RPL32: variants seen among roughly 807,000 people sequenced by gnomAD.
RPL32 encodes ribosomal protein L32.
For synonymous variants in RPL32, 61 were observed against 62.6 expected, an observed-to-expected ratio of 0.98 and a Z score of 0.12; for missense variants, 117 against 173.7, an observed-to-expected ratio of 0.67 and a Z score of 1.83.
At chr3:12,837,715 T>C (rs2062110216) in intron 3 of RPL32, among the ~76,000 whole-genome samples, 1 of 152,262 alleles carries the variant, frequency 6.6e-6, no homozygotes, top group African/African-American at 2.4e-5. Flanking sequence ...GTGAAAGTTA[T>C]CTTTGTAAAC....
Position 12,835,972 on chromosome 3 carries a change from A to T in RPL32, c.*122T>A, listed in dbSNP as rs1443427718. On this transcript the variant is annotated 3_prime_UTR_variant, in exon 4 of 4. Coordinates refer to ENST00000429711, the MANE Select transcript of RPL32 (RefSeq NM_000994.4). ...TGGGAGATTCCAAAGGGGCTTAAGC[A>T]AAAGAACAATCTCTGTGGCAAACTA... 4.8e-6 allele frequency: 6 copies of T among 1,248,728 alleles called. No homozygotes were observed. In the African/African-American group the frequency reaches 7.4e-5, roughly 15 times the overall value. The allele number at this position is 1,248,728 out of a possible 1,614,324, so 77.4% of individuals were successfully genotyped here. A position where few individuals can be genotyped will look rare whatever the true frequency, so the allele number is the denominator to read the frequency against.
chr3:12,839,304 T>A, intron 3 of RPL32, 45 bp downstream of exon 3: 1 of 1,584,376 alleles, frequency 6.3e-7, no homozygotes, highest in Non-Finnish European at 8.7e-7. Context: ...CTCACACAGA[T>A]GCAAACTTCT....
intron 3 of RPL32, 109 bp from the exon 4 acceptor site, chr3:12,836,332 T>G (rs899577351): frequency 2.3e-5 from 30 of 1,310,942 alleles, no homozygotes; most frequent in Non-Finnish European, 3.0e-5. Flanking sequence ...GGCTGCTTGG[T>G]AAGTGGCTGT....
At position 12,835,802 on chromosome 3, in the gene RPL32, A is replaced by G. The variant is rs115705058; in HGVS notation, c.*292T>C. The G allele has an allele frequency of 5.7e-3, 1,690 of 297,574 alleles. 25 individuals are homozygous for G. Among genetic ancestry groups the G allele is most frequent in the African/African-American group, 0.034 (1,580 of 46,192 alleles). 18.4% of individuals were successfully genotyped at this position (297,574 alleles called of 1,614,324 possible). ...GGCTTGGGAGCCACAAGCTTCTTCA[A>G]GTGTCTCAGAACCTACCTGGTGTGA... On this transcript the variant is annotated 3_prime_UTR_variant, in exon 4 of 4. Transcript: ENST00000429711.
intron 3 of RPL32, among the ~76,000 whole-genome samples, chr3:12,838,688 C>T (rs148947483): frequency 1.6e-3 from 236 of 152,150 alleles, no homozygotes; most frequent in African/African-American, 5.4e-3. Context: ...TGCACTCCCT[C>T]CTTGAATAGG....
Position 12,840,177 on chromosome 3 carries a change from T to C in RPL32, c.61A>G (p.Ile21Val). 6.2e-7 allele frequency: 1 copy of C among 1,614,102 alleles called. No homozygotes were observed. Among genetic ancestry groups the C allele is most frequent in the Non-Finnish European group, 8.5e-7 (1 of 1,179,928 alleles). ...ACATATCGGTCTGACTGGTGCCGGA[T>C]GAACTTCTTGGTTCTCTTTTTGACG... ...KIVKKRTKKF[I>V]RHQSDRYVKI... Residue 21 changes from isoleucine (I) to valine (V), a missense_variant, in exon 2 of 4, where the codon ATC becomes GTC. By Grantham distance (29) the Ile-to-Val change is conservative. Coordinates refer to ENST00000429711, the MANE Select transcript of RPL32 (RefSeq NM_000994.4).
chr3:12,838,621 CCTT>C (rs1343282588), intron 3 of RPL32, among the ~76,000 whole-genome samples: 4 of 152,044 alleles, frequency 2.6e-5, no homozygotes, highest in Non-Finnish European at 4.4e-5. Context: ...CCATGTTTGA[CCTT>C]CTCCCGCTTG....
In RPL32 at chr3:12,834,954, T is replaced by G. The variant is rs2124880796; in HGVS notation, c.*1140A>C. 6.6e-6 allele frequency: 1 copy of G among 152,230 alleles called. No individual in the cohort carries two copies. Among genetic ancestry groups the G allele is most frequent in the South Asian group, 2.1e-4 (1 of 4,818 alleles). 9.4% of individuals were successfully genotyped at this position (152,230 alleles called of 1,614,324 possible). On this transcript the variant is annotated 3_prime_UTR_variant, in exon 4 of 4. Transcript: ENST00000429711. ...AACAAAATCCCAAAAATGACCAGTTTGCATTATAAATATTTATGACTAGGT... is the reference window on the plus strand; with the variant it reads ...AACAAAATCCCAAAAATGACCAGTTGGCATTATAAATATTTATGACTAGGT...
At chr3:12,838,926 A>G (rs3732683) in intron 3 of RPL32, 39,188 of 251,038 alleles carry the variant, frequency 0.16, 4,178 homozygotes, top group African/African-American at 0.35. Flanking sequence ...AGGGTCTCCC[A>G]AGGGCTGTGT....
At chr3:12,839,060 T>TTG in intron 3 of RPL32, 1 of 492,882 alleles carries the variant, frequency 2.0e-6, no homozygotes, top group Non-Finnish European at 3.6e-6. Context: ...CCAAAGGATA[T>TTG]TGTAGTAGTG....
Position 12,835,669 on chromosome 3 carries a change from G to GA in RPL32, c.*424dup, listed in dbSNP as rs2062093809. On this transcript the variant is annotated 3_prime_UTR_variant, in exon 4 of 4. Coordinates refer to ENST00000429711, the MANE Select transcript of RPL32 (RefSeq NM_000994.4). ...AGGCATCCCGTAAGAATCTGTGTAA[G>GA]AAATTCATCTGGATATTTCCATGCA... 1.8e-5 allele frequency: 3 copies of GA among 166,406 alleles called. No individual in the cohort carries two copies. In the South Asian group the frequency reaches 4.6e-4, roughly 26 times the overall value. The allele number at this position is 166,406 out of a possible 1,614,324, so 10.3% of individuals were successfully genotyped here. A position where few individuals can be genotyped will look rare whatever the true frequency, so the allele number is the denominator to read the frequency against.
Position 12,835,902 on chromosome 3 carries a change from T to C in RPL32, c.*192A>G, listed in dbSNP as rs2062095536. The C allele has an allele frequency of 4.7e-6, 3 of 636,806 alleles. No individual in the cohort carries two copies. The highest frequency in any genetic ancestry group is 2.9e-5 in the Admixed American group (1 of 34,150). The allele number at this position is 636,806 out of a possible 1,614,324, so 39.4% of individuals were successfully genotyped here. On this transcript the variant is annotated 3_prime_UTR_variant, in exon 4 of 4. Coordinates refer to ENST00000429711, the MANE Select transcript of RPL32 (RefSeq NM_000994.4). ...GCTAGTCTGTGCACTTGAGGCCACA[T>C]TCCCCTGTTCAAGGACTGAGTGTCC... is the stretch of plus-strand genomic sequence containing the variant.
At chr3:12,838,601 G>A (rs1001244320) in intron 3 of RPL32, among the ~76,000 whole-genome samples, 4 of 151,930 alleles carry the variant, frequency 2.6e-5, no homozygotes, top group Non-Finnish European at 5.9e-5. Context: ...AGCCCCTTAA[G>A]GTCTGAGGTC....
Position 12,840,108 on chromosome 3 carries a change from A to G in RPL32, c.96+34T>C, listed in dbSNP as rs200335946. On this transcript the variant is annotated intron_variant, in intron 2 of 3. Coordinates refer to ENST00000429711, the MANE Select transcript of RPL32 (RefSeq NM_000994.4). ...GAAACTGTTGGAAACTCTTTTCTTC[A>G]CCCCACACCCATTTCCATCCCAGGA... 131 of 1,512,044 alleles carry G rather than the reference A, an allele frequency of 8.7e-5. No individual in the cohort carries two copies. The East Asian group carries it at 2.9e-3, about 33-fold the overall frequency. The allele number at this position is 1,512,044 out of a possible 1,614,324, so 93.7% of individuals were successfully genotyped here.
rs756934120 is a variant in RPL32, at chr3:12,840,210, G to C, written c.28C>G (p.Pro10Ala). 12 of 1,613,872 alleles carry C rather than the reference G, an allele frequency of 7.4e-6. No homozygotes were observed. The highest frequency in any genetic ancestry group is 1.1e-5 in the South Asian group (1 of 91,086). The change falls in exon 2 of 4, where the codon CCC (proline) becomes GCC (alanine). Residue 10 changes from proline to alanine, a missense_variant. By Grantham distance (27) the Pro-to-Ala change is conservative. Coordinates refer to ENST00000429711, the MANE Select transcript of RPL32 (RefSeq NM_000994.4). ...TTGGTTCTCTTTTTGACGATCTTGG[G>C]CTTCACAAGGGGTCTGAGGGCGGCC... The part of the protein sequence containing the change: MAALRPLVK[P>A]KIVKKRTKKF...
In RPL32 at chr3:12,836,208, C is replaced by T; in HGVS notation, c.294G>A (p.Glu98=). The T allele has an allele frequency of 6.2e-7, 1 of 1,600,094 alleles. No individual in the cohort carries two copies. The highest frequency in any genetic ancestry group is 8.5e-7 in the Non-Finnish European group (1 of 1,179,780). The change falls in exon 4 of 4, where the codon GAG becomes GAA. Residue 98 remains glutamate (E), a synonymous_variant. Coordinates refer to ENST00000429711, the MANE Select transcript of RPL32 (RefSeq NM_000994.4). ...TCTTGGAGGAAACATTGTGAGCGAT[C>T]TCGGCACAGTAAGATCTGCAAGAGA... is the stretch of plus-strand genomic sequence containing the variant. ...LLMCNKSYCA[E]IAHNVSSKNR...
At position 12,835,099 on chromosome 3, in the gene RPL32, G is replaced by A. The variant is rs893977341; in HGVS notation, c.*995C>T. On this transcript the variant is annotated 3_prime_UTR_variant, in exon 4 of 4. Coordinates refer to ENST00000429711, the MANE Select transcript of RPL32 (RefSeq NM_000994.4). ...ATGGTTACAGAAAAACATCCTGTAA[G>A]CATTTCTGTCTCATAAGTACCACAT... The A allele has an allele frequency of 2.6e-5, 4 of 152,194 alleles. No individual in the cohort carries two copies. Among genetic ancestry groups the A allele is most frequent in the African/African-American group, 9.7e-5 (4 of 41,448 alleles). 9.4% of individuals were successfully genotyped at this position (152,194 alleles called of 1,614,324 possible). A position where few individuals can be genotyped will look rare whatever the true frequency, so the allele number is the denominator to read the frequency against.
Position 12,835,690 on chromosome 3 carries a change from A to G in RPL32, c.*404T>C. ...GTAAGAAATTCATCTGGATATTTCC[A>G]TGCATATTTTCTCAATTCTCACAAG... On this transcript the variant is annotated 3_prime_UTR_variant, in exon 4 of 4. Transcript: ENST00000429711. 5.9e-6 allele frequency: 1 copy of G among 168,972 alleles called. No individual in the cohort carries two copies. The highest frequency in any genetic ancestry group is 1.3e-5 in the Non-Finnish European group (1 of 78,000). 10.5% of individuals were successfully genotyped at this position (168,972 alleles called of 1,614,324 possible).
At chr3:12,839,716 A>G in intron 2 of RPL32, 186 bp from the exon 3 acceptor site, 1 of 647,556 alleles carries the variant, frequency 1.5e-6, no homozygotes, top group Non-Finnish European at 2.7e-6. Flanking sequence ...TTTAGCCACT[A>G]GGGATGAAGG....
Sources: gnomAD v4.1 joint callset for allele counts (sites outside exome capture counted in the v4.1 genomes callset) on GRCh38, gnomAD v4.1.1 for gene constraint, MANE v1.5 for transcripts, NCBI Gene and HGNC (gene_info 2026-07-23, HGNC 2026-07-21) for gene names.